Variants in KCMF1 observed in about 807,000 individuals in gnomAD.
The protein encoded by KCMF1 is E3 ubiquitin-protein ligase KCMF1.
Under a neutral mutation model 41.1 loss-of-function variants are expected in KCMF1, and 3 were observed. That is an observed-to-expected ratio of 0.07 (90% CI 0.03 to 0.19). KCMF1 has a LOEUF of 0.19. Ranked by LOEUF, KCMF1 falls within the 10% of genes least tolerant of loss-of-function variation. KCMF1 has a pLI of 1.00. For synonymous variants in KCMF1, 142 were observed against 164.5 expected (o/e 0.86, Z 1.04); for missense variants, 286 against 488.9 (o/e 0.58, Z 3.91).
At chr2:85,025,750 A>G (rs2104025352) in intron 1 of KCMF1, among the ~76,000 whole-genome samples, 1 of 152,210 alleles carries the variant, frequency 6.6e-6, no homozygotes, top group African/African-American at 2.4e-5. Flanking sequence ...CTGAGATTAC[A>G]GGCACACACC....
intron 1 of KCMF1, among the ~76,000 whole-genome samples, chr2:84,986,523 G>A (rs1673904263): frequency 6.6e-6 from 1 of 152,112 alleles, no homozygotes; most frequent in African/African-American, 2.4e-5. Context: ...GGACAACAGT[G>A]AGGAGACCAG....
chr2:84,985,234 C>A (rs191872396), intron 1 of KCMF1, among the ~76,000 whole-genome samples: 7 of 152,256 alleles, frequency 4.6e-5, no homozygotes, highest in Admixed American at 4.6e-4. Context: ...ATCTTGGACA[C>A]CCTCGCATTG....
At chr2:85,013,096 A>G (rs535189704) in intron 1 of KCMF1, among the ~76,000 whole-genome samples, 2 of 152,308 alleles carry the variant, frequency 1.3e-5, no homozygotes, top group African/African-American at 2.4e-5. Flanking sequence ...GTCATCTTTC[A>G]TCATTTTCAT....
At chr2:84,976,388 G>A (rs1028084632) in intron 1 of KCMF1, among the ~76,000 whole-genome samples, 3 of 151,672 alleles carry the variant, frequency 2.0e-5, no homozygotes, top group Admixed American at 1.3e-4. Context: ...TCTATTTTTA[G>A]TGGAGACAGG....
intron 1 of KCMF1, among the ~76,000 whole-genome samples, chr2:85,008,361 ATT>A (rs1558573600): frequency 2.2e-3 from 50 of 22,490 alleles, no homozygotes; most frequent in South Asian, 4.8e-3. Context: ...TATAATATAT[ATT>A]ATATATCATA....
chr2:84,996,249 G>A (rs1674173345), intron 1 of KCMF1, among the ~76,000 whole-genome samples: 2 of 152,118 alleles, frequency 1.3e-5, no homozygotes, highest in Admixed American at 1.3e-4. Flanking sequence ...CACTGCAGGT[G>A]TCTAGAATTG....
At position 85,047,999 on chromosome 2, in the gene KCMF1, T is replaced by A. The variant is rs535854622; in HGVS notation, c.602-1367T>A. On this transcript the variant is annotated intron_variant, in intron 5 of 6. Transcript: ENST00000409785. ...GAGGAGCAGAAAGATAACTGTTGGG[T>A]ACTGGGCTTAATTGGGTCCTGGGTG... Among the ~76,000 whole-genome samples, 18 of 152,220 alleles carry A rather than the reference T, an allele frequency of 1.2e-4. No homozygotes were observed. The South Asian group carries it at 3.7e-3, about 32-fold the overall frequency.
At chr2:84,986,137 T>G (rs1673894607) in intron 1 of KCMF1, among the ~76,000 whole-genome samples, 1 of 152,228 alleles carries the variant, frequency 6.6e-6, no homozygotes, top group African/African-American at 2.4e-5. Flanking sequence ...CCTAAAACTT[T>G]GGGTCCTTAT....
chr2:84,995,210 C>A (rs1007065122), intron 1 of KCMF1, among the ~76,000 whole-genome samples: 2 of 151,924 alleles, frequency 1.3e-5, no homozygotes, highest in African/African-American at 4.8e-5. Flanking sequence ...TTAGTGGAGA[C>A]GGGGTTTCAC....
intron 2 of KCMF1, among the ~76,000 whole-genome samples, chr2:85,032,978 C>T (rs1675312252): frequency 6.6e-6 from 1 of 152,190 alleles, no homozygotes. Context: ...AGTGGACACA[C>T]TTGTCTTGTT....
rs553543701 is a variant in KCMF1, at chr2:85,000,134, A to G, written c.17-27755A>G. 9.6e-4 allele frequency among the ~76,000 whole-genome samples: 146 copies of G among 152,304 alleles called. 2 individuals carry two copies. The highest frequency in any genetic ancestry group is 3.5e-3 in the African/African-American group (144 of 41,574). ...TGTCATAAAAAATTAAATATAACTA[A>G]GACGATATTGATTTTTTTTGAGATG... On this transcript the variant is annotated intron_variant, in intron 1 of 6. Coordinates refer to ENST00000409785, the MANE Select transcript of KCMF1 (RefSeq NM_020122.5).
At chr2:85,051,775 G>A (rs769077140) in intron 6 of KCMF1, among the ~76,000 whole-genome samples, 3 of 152,172 alleles carry the variant, frequency 2.0e-5, no homozygotes, top group Non-Finnish European at 4.4e-5. Flanking sequence ...AGAAAGCAAA[G>A]TAAGGAAAAT....
At chr2:84,971,554 C>T in intron 1 of KCMF1, 87 bp downstream of exon 1, 2 of 753,724 alleles carry the variant, frequency 2.7e-6, no homozygotes, top group South Asian at 5.5e-5. Flanking sequence ...GGCCGGGAAG[C>T]GGCGGAGACT....
At chr2:85,042,684 T>C (rs917701060) in intron 3 of KCMF1, among the ~76,000 whole-genome samples, 1 of 152,322 alleles carries the variant, frequency 6.6e-6, no homozygotes, top group Non-Finnish European at 1.5e-5. Flanking sequence ...ACTTCAAGGC[T>C]TGGCTACCAT....
At chr2:84,996,217 C>T (rs867201231) in intron 1 of KCMF1, among the ~76,000 whole-genome samples, 1 of 152,072 alleles carries the variant, frequency 6.6e-6, no homozygotes, top group African/African-American at 2.4e-5. Context: ...GGTGAGTCTT[C>T]GTTGTGTAGT....
chr2:85,049,875 A>T (rs1296433676), intron 6 of KCMF1, among the ~76,000 whole-genome samples: 1 of 152,126 alleles, frequency 6.6e-6, no homozygotes, highest in Non-Finnish European at 1.5e-5. Flanking sequence ...AGTGGCTCAC[A>T]CCTGTAATCC....
At chr2:85,052,516 C>T (rs1020705700) in intron 6 of KCMF1, among the ~76,000 whole-genome samples, 5 of 152,094 alleles carry the variant, frequency 3.3e-5, no homozygotes, top group African/African-American at 1.2e-4. Flanking sequence ...GCCAGGTTTC[C>T]CAGCATAGCC....
chr2:85,026,456 TC>T (rs1251302382), intron 1 of KCMF1, among the ~76,000 whole-genome samples: 15 of 139,542 alleles, frequency 1.1e-4, no homozygotes, highest in African/African-American at 4.0e-4. Context: ...CTTCTTTCTT[TC>T]CTTTATTATT....
chr2:84,994,150 A>G (rs1375800925), intron 1 of KCMF1, among the ~76,000 whole-genome samples: 2 of 150,898 alleles, frequency 1.3e-5, no homozygotes, highest in East Asian at 2.0e-4. Context: ...AGGTTTCACC[A>G]TGTTAGCCAG....
Sources: allele counts gnomAD v4.1 joint callset (sites outside exome capture counted in the v4.1 genomes callset), GRCh38; gene constraint gnomAD v4.1.1; transcripts MANE v1.5; gene names NCBI Gene and HGNC (gene_info 2026-07-23, HGNC 2026-07-21).